The following PHF21A variants were observed in gnomAD, a reference collection of about 807,000 sequenced individuals.
PHF21A encodes BHC80a.
A neutral mutation model predicts 82.5 loss-of-function variants in PHF21A; 11 were observed. That is an observed-to-expected ratio of 0.13 (90% CI 0.08 to 0.22). The LOEUF is 0.22. Ranked by LOEUF, PHF21A falls within the 10% of genes least tolerant of loss-of-function variation. The pLI is 1.00. For missense variants in PHF21A, 579 were observed against 837.8 expected, an observed-to-expected ratio of 0.69 and a Z score of 3.81; for synonymous variants, 297 against 302.8, an observed-to-expected ratio of 0.98 and a Z score of 0.20.
intron 6 of PHF21A, among the ~76,000 whole-genome samples, chr11:46,038,526 T>C (rs767668078): frequency 2.0e-5 from 3 of 152,230 alleles, no homozygotes; most frequent in Non-Finnish European, 4.4e-5. Context: ...TGTGATTATC[T>C]TTATTAGTTT....
chr11:45,937,482 T>G (rs1450585670), intron 16 of PHF21A, among the ~76,000 whole-genome samples: 1 of 152,188 alleles, frequency 6.6e-6, no homozygotes, highest in Non-Finnish European at 1.5e-5. Flanking sequence ...TGTTTTATTA[T>G]TAGTATTATT....
intron 7 of PHF21A, among the ~76,000 whole-genome samples, chr11:45,979,132 T>TCA (rs1455358274): frequency 6.6e-6 from 1 of 152,026 alleles, no homozygotes; most frequent in African/African-American, 2.4e-5. Flanking sequence ...TTCTCCTGCC[T>TCA]CAGCCTGCCG....
intron 14 of PHF21A, among the ~76,000 whole-genome samples, chr11:45,947,501 C>A (rs912826872): frequency 6.6e-6 from 1 of 152,108 alleles, no homozygotes; most frequent in Non-Finnish European, 1.5e-5. Flanking sequence ...AAAGACAGAT[C>A]GTACTGGTTT....
chr11:46,109,359 T>C (rs2097186072), intron 1 of PHF21A, among the ~76,000 whole-genome samples: 1 of 152,232 alleles, frequency 6.6e-6, no homozygotes, highest in Non-Finnish European at 1.5e-5. Context: ...ACACTCTTTA[T>C]TATTGATGAC....
chr11:46,099,427 T>C (rs1180426668), intron 1 of PHF21A, among the ~76,000 whole-genome samples: 1 of 152,042 alleles, frequency 6.6e-6, no homozygotes, highest in Non-Finnish European at 1.5e-5. Context: ...TTATAGCACC[T>C]TATTGTGTTC....
At chr11:46,118,964 T>A (rs1362482280) in intron 1 of PHF21A, among the ~76,000 whole-genome samples, 1 of 152,142 alleles carries the variant, frequency 6.6e-6, no homozygotes, top group Non-Finnish European at 1.5e-5. Flanking sequence ...TTAGCCTCAA[T>A]TTCAGTACCC....
intron 6 of PHF21A, among the ~76,000 whole-genome samples, chr11:46,030,802 A>T (rs1353986390): frequency 2.7e-5 from 4 of 147,650 alleles, no homozygotes; most frequent in African/African-American, 1.0e-4. Flanking sequence ...CTTCTAAACC[A>T]CATAGTGTGT....
intron 1 of PHF21A, among the ~76,000 whole-genome samples, chr11:46,097,854 T>C (rs763725156): frequency 1.3e-5 from 2 of 152,038 alleles, no homozygotes; most frequent in Non-Finnish European, 2.9e-5. Flanking sequence ...CACAAAAGAA[T>C]AGAATACCTT....
chr11:45,945,860 G>C lies in PHF21A; in HGVS notation c.1432C>G (p.Pro478Ala). The C allele has an allele frequency of 1.3e-6, 2 of 1,590,242 alleles. No individual in the cohort carries two copies. The change falls in exon 15 of 19, where the codon CCC (proline) becomes GCC (alanine). Residue 478 changes from proline (P) to alanine (A), a missense_variant. This residue lies in a region of PHF21A where 410 missense variants were observed against 642.1 expected (regional missense o/e 0.64). Coordinates refer to ENST00000676320, the MANE Select transcript of PHF21A (RefSeq NM_001352027.3). ...CTTACGTCTGTGGAGGTGGGGCTGG[G>C]CAGGGACACAGGCTGAACAGGTGCA... is the stretch of plus-strand genomic sequence containing the variant. Reference protein sequence around the residue: ...FPAPVQPVSLPSPTSTDGDIH... With the variant: ...FPAPVQPVSLASPTSTDGDIH...
Position 45,930,971 on chromosome 11 carries a change from CTCT to C in PHF21A, c.*2994_*2996del, listed in dbSNP as rs151279777. Reference sequence around the variant, plus strand: ...GACAGGGAGATTGGGTGCCAGGGGCCTCTTCTTTACAGTAAAGCAGTGTTTTGG... The same window carrying C: ...GACAGGGAGATTGGGTGCCAGGGGCCTCTTTACAGTAAAGCAGTGTTTTGG... On this transcript the variant is annotated 3_prime_UTR_variant, in exon 19 of 19. Coordinates refer to ENST00000676320, the MANE Select transcript of PHF21A (RefSeq NM_001352027.3). 1 of 143,938 alleles carries C rather than the reference CTCT, an allele frequency of 6.9e-6. No individual in the cohort carries two copies. The highest frequency in any genetic ancestry group is 2.5e-5 in the African/African-American group (1 of 39,498). 8.9% of individuals were successfully genotyped at this position (143,938 alleles called of 1,614,324 possible).
intron 8 of PHF21A, chr11:45,970,866 C>CT: frequency 2.1e-6 from 1 of 480,294 alleles, no homozygotes; most frequent in Non-Finnish European, 3.8e-6. Flanking sequence ...GACCTTCCCC[C>CT]TAAAATCAAG....
In PHF21A at chr11:45,935,621, A is replaced by G. The variant is rs200299045; in HGVS notation, c.1788+15T>C. 2.5e-6 allele frequency: 3 copies of G among 1,186,472 alleles called. No individual in the cohort carries two copies. Among genetic ancestry groups the G allele is most frequent in the Admixed American group, 1.7e-5 (1 of 59,238 alleles). 73.5% of individuals were successfully genotyped at this position (1,186,472 alleles called of 1,614,324 possible). A position where few individuals can be genotyped will look rare whatever the true frequency, so the allele number is the denominator to read the frequency against. ...CACCTATGTATCGACTGCTGAAGGC[A>G]TGAGGTTTACTTACACTTATGGAAT... On this transcript the variant is annotated intron_variant, in intron 18 of 18. Transcript: ENST00000676320.
intron 7 of PHF21A, among the ~76,000 whole-genome samples, chr11:45,979,073 G>A (rs999575120): frequency 1.3e-5 from 2 of 151,588 alleles, no homozygotes; most frequent in Non-Finnish European, 2.9e-5. Flanking sequence ...CTGGAGTGCA[G>A]TGGTGTGATC....
exon 1 of PHF21A, among the ~76,000 whole-genome samples, chr11:46,121,453 GCACCTCCGC>G (rs1293862120): frequency 6.6e-6 from 1 of 150,692 alleles, no homozygotes; most frequent in Non-Finnish European, 1.5e-5. Flanking sequence ...CCGGGCCGCA[GCACCTCCGC>G]CGCCTCAGCC....
chr11:45,982,011 C>T (rs1163079957), intron 6 of PHF21A, among the ~76,000 whole-genome samples: 2 of 129,882 alleles, frequency 1.5e-5, no homozygotes, highest in Admixed American at 1.9e-4. Context: ...GGCTGGAGTG[C>T]GGCAGCACAA....
chr11:46,023,991 T>C (rs61647770), intron 6 of PHF21A, among the ~76,000 whole-genome samples: 2,458 of 151,154 alleles, frequency 0.016, 65 homozygotes, highest in African/African-American at 0.058. Context: ...CTGAATGGCA[T>C]AGAGCATGTA....
In PHF21A at chr11:45,932,538, A is replaced by G. The variant is rs941918869; in HGVS notation, c.*1430T>C. On this transcript the variant is annotated 3_prime_UTR_variant, in exon 19 of 19. Coordinates refer to ENST00000676320, the MANE Select transcript of PHF21A (RefSeq NM_001352027.3). This position sits in a 1 kb window ranked among gnomAD's most constrained non-coding sequence, Gnocchi z 4.3. Reference sequence around the variant, plus strand: ...CATCGTGATCAGCAGGGTCTGTGCTAAAAAATTATAACTACACGGCATTTT... The same window carrying G: ...CATCGTGATCAGCAGGGTCTGTGCTGAAAAATTATAACTACACGGCATTTT... 6.6e-6 allele frequency: 1 copy of G among 152,546 alleles called. No individual in the cohort carries two copies. The highest frequency in any genetic ancestry group is 1.5e-5 in the Non-Finnish European group (1 of 68,036). 9.4% of individuals were successfully genotyped at this position (152,546 alleles called of 1,614,324 possible). A position where few individuals can be genotyped will look rare whatever the true frequency, so the allele number is the denominator to read the frequency against.
chr11:45,943,228 T>A (rs1260128343), intron 15 of PHF21A, among the ~76,000 whole-genome samples: 3 of 150,094 alleles, frequency 2.0e-5, no homozygotes, highest in African/African-American at 7.4e-5. Flanking sequence ...GCTCAAGTGA[T>A]CCTCCCACCT....
intron 17 of PHF21A, 66 bp from the exon 18 acceptor site, chr11:45,935,805 T>C (rs2088847760): frequency 1.3e-6 from 1 of 769,080 alleles, no homozygotes; most frequent in Non-Finnish European, 2.1e-6. Context: ...ATGTCCTCTG[T>C]GCTCAGAATG....
Sources: gnomAD v4.1 joint callset for allele counts (sites outside exome capture counted in the v4.1 genomes callset) on GRCh38, gnomAD v4.1.1 for gene constraint, gnomAD v4.1.1 regional missense constraint, Gnocchi (gnomAD v3.1) non-coding constraint, MANE v1.5 for transcripts, NCBI Gene and HGNC (gene_info 2026-07-23, HGNC 2026-07-21) for gene names.